RPTOR: variants seen among roughly 807,000 people sequenced by gnomAD.
The protein encoded by RPTOR is regulatory associated protein of MTOR complex 1.
A neutral mutation model predicts 169.9 loss-of-function variants in RPTOR; 21 were observed. The observed-to-expected ratio is 0.12, with a 90% confidence interval of 0.09 to 0.18. RPTOR has a LOEUF of 0.18. Among genes scored for constraint, RPTOR ranks in the 10% least tolerant of loss-of-function variants. The pLI, the probability that RPTOR is intolerant of heterozygous loss-of-function variation, is 1.00. For missense variants in RPTOR, 1,133 were observed against 1,855.9 expected (o/e 0.61, Z 7.16); for synonymous variants, 732 against 753.2 (o/e 0.97, Z 0.46).
chr17:80,864,654 C>G (rs1005860038), intron 13 of RPTOR, among the ~76,000 whole-genome samples: 3 of 152,198 alleles, frequency 2.0e-5, no homozygotes, highest in Non-Finnish European at 4.4e-5. Context: ...GTCCTTTAGC[C>G]TTGAGGAGAA....
At chr17:80,712,588 A>G (rs750383376) in intron 4 of RPTOR, among the ~76,000 whole-genome samples, 21 of 152,170 alleles carry the variant, frequency 1.4e-4, no homozygotes, top group Non-Finnish European at 2.1e-4. Flanking sequence ...GGCATTTTGG[A>G]TACTCTGAAC....
At chr17:80,682,116 C>CT (rs1567854729) in intron 3 of RPTOR, among the ~76,000 whole-genome samples, 2 of 89,866 alleles carry the variant, frequency 2.2e-5, no homozygotes, top group East Asian at 8.5e-4. Flanking sequence ...GTCCCCCCCC[C>CT]CACCCCAAAC....
intron 6 of RPTOR, among the ~76,000 whole-genome samples, chr17:80,758,333 C>T (rs929408043): frequency 7.9e-5 from 12 of 152,132 alleles, no homozygotes; most frequent in African/African-American, 2.4e-4. Context: ...AGGAAGGTTT[C>T]GTCAGGAGTG....
At chr17:80,963,086 G>A (rs1365078988) in intron 33 of RPTOR, 29 bp downstream of exon 33, 4 of 1,372,014 alleles carry the variant, frequency 2.9e-6, no homozygotes, top group Admixed American at 2.0e-5. Flanking sequence ...GGGGGTCGGG[G>A]GTCGGGGGCT....
chr17:80,811,884 C>G (rs1222029883), intron 7 of RPTOR, among the ~76,000 whole-genome samples: 1 of 151,368 alleles, frequency 6.6e-6, no homozygotes, highest in Non-Finnish European at 1.5e-5. Flanking sequence ...GCCACGCCCT[C>G]TCCAACAAGG....
chr17:80,848,926 G>A (rs756210694), intron 11 of RPTOR, among the ~76,000 whole-genome samples: 35 of 152,216 alleles, frequency 2.3e-4, no homozygotes, highest in Admixed American at 3.9e-4. Flanking sequence ...AGCTCTGGTC[G>A]GAGCGTGGGG....
chr17:80,940,303 G>A (rs1194120001), intron 24 of RPTOR, 193 bp from the exon 25 acceptor site: 4 of 527,030 alleles, frequency 7.6e-6, no homozygotes, highest in Non-Finnish European at 1.3e-5. Flanking sequence ...GGGTATGGCG[G>A]GCAAGCTAGC....
chr17:80,834,371 G>A (rs1389610938), intron 9 of RPTOR, among the ~76,000 whole-genome samples: 1 of 152,098 alleles, frequency 6.6e-6, no homozygotes. Context: ...CGAGTCCACA[G>A]CCCTGGGTAG....
chr17:80,574,444 G>C (rs1411226731), intron 1 of RPTOR, among the ~76,000 whole-genome samples: 1 of 151,282 alleles, frequency 6.6e-6, no homozygotes, highest in Non-Finnish European at 1.5e-5. Context: ...GGGATTACAG[G>C]CGTGAGCCAC....
intron 3 of RPTOR, among the ~76,000 whole-genome samples, chr17:80,667,701 G>A (rs1387206239): frequency 6.6e-6 from 1 of 152,158 alleles, no homozygotes; most frequent in Non-Finnish European, 1.5e-5. Context: ...AGTATTCTTT[G>A]TGGTTTCATG....
intron 10 of RPTOR, among the ~76,000 whole-genome samples, chr17:80,840,947 C>CACACG (rs2067638346): frequency 8.8e-5 from 3 of 33,916 alleles, no homozygotes; most frequent in African/African-American, 4.6e-4. Flanking sequence ...CTCTCTGCAC[C>CACACG]GCAGCTCACA....
intron 13 of RPTOR, 58 bp downstream of exon 13, chr17:80,857,958 T>A (rs1490721757): frequency 1.5e-6 from 2 of 1,325,536 alleles, no homozygotes; most frequent in South Asian, 2.4e-5. Flanking sequence ...CTTCTGGGGA[T>A]GCCGAGCCCT....
intron 6 of RPTOR, among the ~76,000 whole-genome samples, chr17:80,756,034 A>G (rs1290320220): frequency 1.3e-5 from 2 of 152,266 alleles, no homozygotes. Context: ...CACCTGTAAC[A>G]AGATGTGAGA....
At chr17:80,725,635 G>A (rs1408806932) in intron 4 of RPTOR, among the ~76,000 whole-genome samples, 1 of 152,198 alleles carries the variant, frequency 6.6e-6, no homozygotes, top group Admixed American at 6.5e-5. Flanking sequence ...TGCAGCCGGG[G>A]CTGTGAGGCT....
At chr17:80,590,032 C>G (rs762053364) in intron 1 of RPTOR, among the ~76,000 whole-genome samples, 3 of 152,242 alleles carry the variant, frequency 2.0e-5, no homozygotes, top group Non-Finnish European at 4.4e-5. Context: ...CGTAGGCAAT[C>G]TCCATCAGAT....
chr17:80,856,042 G>A (rs2067848928), intron 12 of RPTOR, among the ~76,000 whole-genome samples: 1 of 152,172 alleles, frequency 6.6e-6, no homozygotes, highest in African/African-American at 2.4e-5. Flanking sequence ...CCTGGCAGAG[G>A]CAGGATCAAG....
rs1455924651 is a variant in RPTOR, at chr17:80,730,902, C to A, written c.654+196C>A. The stretch of plus-strand genomic sequence containing the variant: ...GCACACTTTATTTTTGAAACATAAT[C>A]TTGTTCTGTTGCCCAGGCTGGAGTG... On this transcript the variant is annotated intron_variant, in intron 5 of 33. Transcript: ENST00000306801. This position sits in a 1 kb window ranked among gnomAD's most constrained non-coding sequence, Gnocchi z 4.2. Among the ~76,000 whole-genome samples the A allele has an allele frequency of 6.6e-6, 1 of 152,138 alleles. No homozygotes were observed. The highest frequency in any genetic ancestry group is 2.4e-5 in the African/African-American group (1 of 41,426).
At chr17:80,907,143 G>A (rs1297859077) in intron 20 of RPTOR, among the ~76,000 whole-genome samples, 1 of 152,216 alleles carries the variant, frequency 6.6e-6, no homozygotes, top group Admixed American at 6.5e-5. Flanking sequence ...GCAGTGACAC[G>A]AGGCCCTCCA....
At chr17:80,903,949 G>C (rs1490474946) in intron 20 of RPTOR, among the ~76,000 whole-genome samples, 2 of 152,218 alleles carry the variant, frequency 1.3e-5, no homozygotes, top group African/African-American at 2.4e-5. Flanking sequence ...GTGAGAAAAT[G>C]AACAACAGTT....
Sources: gnomAD v4.1 joint callset for allele counts (sites outside exome capture counted in the v4.1 genomes callset) on GRCh38, gnomAD v4.1.1 for gene constraint, Gnocchi (gnomAD v3.1) non-coding constraint, MANE v1.5 for transcripts, NCBI Gene and HGNC (gene_info 2026-07-23, HGNC 2026-07-21) for gene names.